Variants in WDR17 observed in about 807,000 individuals in gnomAD.
WDR17 encodes the protein WD repeat-containing protein 17.
WDR17 carries 143 observed loss-of-function variants against 161.7 expected under a neutral mutation model. That is an observed-to-expected ratio of 0.88 (90% CI 0.77 to 1.02). The LOEUF (loss-of-function observed/expected upper bound fraction) is 1.02. Ranked by LOEUF, WDR17 falls within the 50% of genes least tolerant of loss-of-function variation. The pLI is 0.00. For synonymous variants in WDR17, 517 were observed against 515.6 expected, an observed-to-expected ratio of 1.00 and a Z score of -0.04; for missense variants, 1,469 against 1,520.9, an observed-to-expected ratio of 0.97 and a Z score of 0.57.
In WDR17 at chr4:176,066,475, T is replaced by C. The variant is rs895611166; in HGVS notation, c.-7+396T>C. Among the ~76,000 whole-genome samples the C allele has an allele frequency of 3.3e-4, 51 of 152,296 alleles. 1 individual carries two copies. The highest frequency in any genetic ancestry group is 4.8e-5 in the African/African-American group (2 of 41,566). On this transcript the variant is annotated intron_variant, in intron 1 of 28. Coordinates refer to ENST00000508596, the MANE Select transcript of WDR17 (RefSeq NM_181265.4). ...ATTTACCCCTTTGAAGATGGACTTA[T>C]TAGTAGGGTTGTACTAAGAAAGGTT...
At chr4:176,174,508 G>A (rs1008935084) in intron 25 of WDR17, 109 bp from the exon 26 acceptor site, 89 of 695,820 alleles carry the variant, frequency 1.3e-4, no homozygotes, top group Non-Finnish European at 1.5e-4. Context: ...AACATATATT[G>A]CTATAAATGT....
intron 3 of WDR17, among the ~76,000 whole-genome samples, chr4:176,119,395 G>A (rs1475324053): frequency 3.3e-5 from 5 of 152,040 alleles, no homozygotes; most frequent in Admixed American, 6.6e-5. Flanking sequence ...ATAACATTAA[G>A]TCCATTGTTT....
chr4:176,107,993 C>T (rs1375499525), intron 1 of WDR17, among the ~76,000 whole-genome samples: 2 of 148,578 alleles, frequency 1.3e-5, no homozygotes, highest in African/African-American at 5.0e-5. Flanking sequence ...TCTTTCCTTC[C>T]TCCCTTCCAC....
intron 13 of WDR17, among the ~76,000 whole-genome samples, chr4:176,149,244 TTC>T (rs1746701053): frequency 6.6e-6 from 1 of 152,128 alleles, no homozygotes; most frequent in African/African-American, 2.4e-5. Flanking sequence ...TTTTTCTTTT[TTC>T]TTTCTTTCTT....
At chr4:176,081,172 G>T (rs1196721057) in intron 1 of WDR17, among the ~76,000 whole-genome samples, 1 of 152,010 alleles carries the variant, frequency 6.6e-6, no homozygotes, top group African/African-American at 2.4e-5. Context: ...ATAGTGTCAG[G>T]ATGATATTAG....
chr4:176,149,144 C>T (rs1215216717), intron 13 of WDR17, among the ~76,000 whole-genome samples: 2 of 152,162 alleles, frequency 1.3e-5, no homozygotes, highest in African/African-American at 4.8e-5. Context: ...ACTATGTATG[C>T]TATTGGTTTT....
At chr4:176,152,968 T>C (rs562927151) in intron 17 of WDR17, among the ~76,000 whole-genome samples, 45 of 151,902 alleles carry the variant, frequency 3.0e-4, no homozygotes, top group African/African-American at 1.0e-3. Flanking sequence ...TTTTTACAGA[T>C]CTAATTGATT....
At chr4:176,136,470 A>G (rs1370981281) in intron 8 of WDR17, among the ~76,000 whole-genome samples, 3 of 151,748 alleles carry the variant, frequency 2.0e-5, no homozygotes, top group Non-Finnish European at 4.4e-5. Flanking sequence ...AAATCATAAC[A>G]CAGAAGATCT....
At chr4:176,085,980 A>T (rs1735371802) in intron 1 of WDR17, among the ~76,000 whole-genome samples, 1 of 152,012 alleles carries the variant, frequency 6.6e-6, no homozygotes, top group Non-Finnish European at 1.5e-5. Context: ...GCTGCAACCC[A>T]CAAATTTCTA....
chr4:176,115,725 A>G, intron 2 of WDR17, 71 bp from the exon 3 acceptor site: 2 of 1,194,376 alleles, frequency 1.7e-6, no homozygotes, highest in South Asian at 4.0e-5. Context: ...AGTTTTGTGT[A>G]ATGTGAATAT....
In WDR17 at chr4:176,145,978, C is replaced by T; in HGVS notation, c.1530-17C>T. 1 of 1,601,890 alleles carries T rather than the reference C, an allele frequency of 6.2e-7. No individual in the cohort carries two copies. The highest frequency in any genetic ancestry group is 1.1e-5 in the South Asian group (1 of 90,222). ...TCATATTTATCCTATGTCAATATTC[C>T]ATTGATGATATTTCAGAGACATGAT... is the stretch of plus-strand genomic sequence containing the variant. On this transcript the variant is annotated splice_polypyrimidine_tract_variant and intron_variant, in intron 11 of 28. Transcript: ENST00000508596.
chr4:176,074,810 C>CTT (rs386357678), intron 1 of WDR17, among the ~76,000 whole-genome samples: 1,106 of 79,108 alleles, frequency 0.014, 27 homozygotes, highest in African/African-American at 0.03. Flanking sequence ...TTTTTTAATG[C>CTT]TTTTTTTTTT....
At chr4:176,092,793 G>A (rs1019984744) in intron 1 of WDR17, among the ~76,000 whole-genome samples, 8 of 152,178 alleles carry the variant, frequency 5.3e-5, no homozygotes, top group Non-Finnish European at 1.2e-4. Flanking sequence ...TGTAATCTCA[G>A]CACTTTGGGA....
chr4:176,153,473 C>A (rs1747564972), intron 17 of WDR17, among the ~76,000 whole-genome samples: 1 of 152,116 alleles, frequency 6.6e-6, no homozygotes, highest in Admixed American at 6.5e-5. Context: ...GCTTCTGTTT[C>A]TTGATCCTGA....
At chr4:176,172,537 A>T in intron 24 of WDR17, 21 bp downstream of exon 24, 1 of 1,549,498 alleles carries the variant, frequency 6.5e-7, no homozygotes, top group South Asian at 1.2e-5. Context: ...AGTTGGTAGT[A>T]GAATTTTAAA....
At chr4:176,148,066 G>C in intron 12 of WDR17, 67 bp from the exon 13 acceptor site, 1 of 1,378,198 alleles carries the variant, frequency 7.3e-7, no homozygotes, top group Non-Finnish European at 1.0e-6. Context: ...ACTCTATTAA[G>C]AATATGTTAA....
chr4:176,071,193 G>A (rs1733185045), intron 1 of WDR17, among the ~76,000 whole-genome samples: 1 of 151,510 alleles, frequency 6.6e-6, no homozygotes. Flanking sequence ...CCCTGTTGAA[G>A]AAATAATCTT....
intron 1 of WDR17, among the ~76,000 whole-genome samples, chr4:176,092,531 C>G (rs558622038): frequency 6.6e-6 from 1 of 152,172 alleles, no homozygotes; most frequent in South Asian, 2.1e-4. Flanking sequence ...GAAATCCTAG[C>G]TAGAGCAATC....
intron 9 of WDR17, among the ~76,000 whole-genome samples, chr4:176,138,198 G>A (rs1320398704): frequency 2.6e-5 from 4 of 151,542 alleles, no homozygotes; most frequent in African/African-American, 4.8e-5. Context: ...AAAATATTAG[G>A]TATGAATCAG....
Sources: gnomAD v4.1 joint callset for allele counts (sites outside exome capture counted in the v4.1 genomes callset) on GRCh38, gnomAD v4.1.1 for gene constraint, MANE v1.5 for transcripts, NCBI Gene and HGNC (gene_info 2026-07-23, HGNC 2026-07-21) for gene names.